Variants in SPTBN1 observed in about 807,000 individuals in gnomAD.
The protein encoded by SPTBN1 is spectrin beta, non-erythrocytic 1.
SPTBN1 carries 32 observed loss-of-function variants against 266.4 expected under a neutral mutation model. The observed-to-expected ratio is 0.12, with a 90% CI of 0.09 to 0.16. The LOEUF is 0.16. Among genes scored for constraint, SPTBN1 ranks in the 10% least tolerant of loss-of-function variants. The pLI, the probability that SPTBN1 is intolerant of heterozygous loss-of-function variation, is 1.00. For synonymous variants in SPTBN1, 1,336 were observed against 1,162.2 expected (o/e 1.15, Z -3.04); for missense variants, 2,296 against 3,067.1 (o/e 0.75, Z 5.94).
intron 1 of SPTBN1, among the ~76,000 whole-genome samples, chr2:54,514,705 A>C (rs1235270901): frequency 1.3e-5 from 2 of 152,166 alleles, no homozygotes; most frequent in Admixed American, 6.5e-5. Context: ...TGTGCTCTTC[A>C]TCTTTCTGTC....
Position 54,526,391 on chromosome 2 carries a change from T to C in SPTBN1, c.-28T>C. 6.2e-7 allele frequency: 1 copy of C among 1,611,672 alleles called. No homozygotes were observed. Among genetic ancestry groups the C allele is most frequent in the African/African-American group, 1.3e-5 (1 of 74,894 alleles). On this transcript the variant is annotated 5_prime_UTR_variant, in exon 2 of 36. The change abolishes an upstream ATG in the 5' untranslated region. Coordinates refer to ENST00000356805, the MANE Select transcript of SPTBN1 (RefSeq NM_003128.3). ...TCATAGAACTCTAAGAAGGAGCTGA[T>C]GTGGAGGAGCAGCTGAGACAGTTCA...
chr2:54,579,814 T>C (rs1166401191), intron 2 of SPTBN1, among the ~76,000 whole-genome samples: 2 of 152,210 alleles, frequency 1.3e-5, no homozygotes, highest in Non-Finnish European at 2.9e-5. Context: ...CCAGAAAGTA[T>C]AGTGAGAGAG....
At chr2:54,624,291 G>A (rs550280798) in intron 10 of SPTBN1, among the ~76,000 whole-genome samples, 14 of 152,160 alleles carry the variant, frequency 9.2e-5, no homozygotes, top group South Asian at 2.1e-4. Flanking sequence ...AGATTCCTTC[G>A]AGTGGAAGGT....
intron 2 of SPTBN1, among the ~76,000 whole-genome samples, chr2:54,592,597 C>G (rs544563674): frequency 2.0e-5 from 3 of 152,294 alleles, no homozygotes; most frequent in African/African-American, 7.2e-5. Context: ...GTTAGTCAGA[C>G]TGGTCTCAAA....
chr2:54,503,387 G>T (rs1438081552), intron 1 of SPTBN1, among the ~76,000 whole-genome samples: 1 of 152,156 alleles, frequency 6.6e-6, no homozygotes, highest in East Asian at 1.9e-4. Flanking sequence ...GCAAGCTGAG[G>T]GAACAGTGCC....
At chr2:54,492,256 C>T (rs933981947) in intron 1 of SPTBN1, among the ~76,000 whole-genome samples, 3 of 150,698 alleles carry the variant, frequency 2.0e-5, no homozygotes, top group African/African-American at 7.3e-5. Context: ...GTTTTGAAAA[C>T]ACTTTTTATG....
chr2:54,518,187 G>T (rs1021871668), intron 1 of SPTBN1, among the ~76,000 whole-genome samples: 3 of 151,940 alleles, frequency 2.0e-5, no homozygotes, highest in South Asian at 4.1e-4. Flanking sequence ...AGTAATAATA[G>T]GTCAGACAGG....
At chr2:54,661,087 A>C in intron 32 of SPTBN1, 1 of 985,432 alleles carries the variant, frequency 1.0e-6, no homozygotes, top group Non-Finnish European at 1.2e-6. Context: ...CTCTGTAGAC[A>C]AACTCCACTG....
At chr2:54,468,334 A>G (rs919638587) in intron 1 of SPTBN1, among the ~76,000 whole-genome samples, 2 of 147,322 alleles carry the variant, frequency 1.4e-5, no homozygotes, top group Admixed American at 1.3e-4. Flanking sequence ...AAAATAAAAA[A>G]TAAAAAAATA....
At chr2:54,623,403 A>C (rs1302896578) in intron 9 of SPTBN1, 76 bp from the exon 10 acceptor site, 4 of 1,276,472 alleles carry the variant, frequency 3.1e-6, no homozygotes, top group Non-Finnish European at 4.6e-6. Context: ...ACCAGAGTTA[A>C]ATGGTTTTTA....
At chr2:54,543,774 GGT>G (rs917521358) in intron 2 of SPTBN1, among the ~76,000 whole-genome samples, 6 of 151,986 alleles carry the variant, frequency 3.9e-5, no homozygotes, top group Admixed American at 1.3e-4. Flanking sequence ...TTGATAAATT[GGT>G]CCCCCCTCCC....
At chr2:54,474,087 C>T (rs907507445) in intron 1 of SPTBN1, among the ~76,000 whole-genome samples, 2 of 152,174 alleles carry the variant, frequency 1.3e-5, no homozygotes, top group African/African-American at 4.8e-5. Context: ...AAGTTCATAC[C>T]ACTGGTAGGT....
intron 2 of SPTBN1, among the ~76,000 whole-genome samples, chr2:54,552,759 G>A (rs1030764565): frequency 9.2e-5 from 14 of 152,326 alleles, no homozygotes; most frequent in African/African-American, 3.1e-4. Flanking sequence ...CTGGCCCCAG[G>A]TCTGCTTTTA....
rs878944023 is a variant in SPTBN1 at position 54,631,580 on chromosome 2, C to T, written c.3533C>T (p.Thr1178Met). 1.2e-6 allele frequency: 2 copies of T among 1,612,776 alleles called. No individual in the cohort carries two copies. Among genetic ancestry groups the T allele is most frequent in the Non-Finnish European group, 1.7e-6 (2 of 1,179,350 alleles). ...SHAYQQFLRD[T>M]KQAEAFLNNQ... ...GCCTACCAGCAGTTCCTCAGAGACA[C>T]GAAGCAAGCCGAAGCCTTTCTTAAC... Residue 1178 changes from threonine to methionine, a missense_variant, in exon 16 of 36, where the codon ACG (threonine) becomes ATG (methionine). Physicochemically the swap from Thr to Met is moderately conservative, Grantham distance 81 (BLOSUM62 -1). Around this residue, in one of 12 missense-constraint regions of SPTBN1, gnomAD observed 386 missense variants for 486.1 expected, o/e 0.79. Transcript: ENST00000356805.
chr2:54,521,196 T>TG (rs1670417216), intron 1 of SPTBN1, among the ~76,000 whole-genome samples: 1 of 152,182 alleles, frequency 6.6e-6, no homozygotes, highest in Non-Finnish European at 1.5e-5. Flanking sequence ...TGTAGCATGC[T>TG]GGAGTTTGGA....
rs76105375 is a variant in SPTBN1, at chr2:54,618,206, G to T, written c.763+13G>T. 16,588 of 1,607,720 alleles carry T rather than the reference G, an allele frequency of 0.01. 352 individuals carry two copies. The highest frequency in any genetic ancestry group is 0.067 in the South Asian group (6,114 of 90,926). On this transcript the variant is annotated intron_variant, in intron 7 of 35. Transcript: ENST00000356805. Reference sequence around the variant, plus strand: ...TTGGACCCCGAAGGTAGGGACTCAAGGGATTACAGGTGGGATTTTTAGCAT... The same window carrying T: ...TTGGACCCCGAAGGTAGGGACTCAATGGATTACAGGTGGGATTTTTAGCAT...
Position 54,646,986 on chromosome 2 carries a change from T to C in SPTBN1, c.4867-145T>C. On this transcript the variant is annotated intron_variant, in intron 23 of 35. Transcript: ENST00000356805. The surrounding 1 kb of genome is among the most constrained non-coding windows in gnomAD (Gnocchi z 4.4). ...CATATGGAAGCTCTTGGAACACTTCTGTGTTCCACTGTCCGTACTGCACCT... is the reference window on the plus strand; with the variant it reads ...CATATGGAAGCTCTTGGAACACTTCCGTGTTCCACTGTCCGTACTGCACCT... The C allele has an allele frequency of 8.7e-7, 1 of 1,148,070 alleles. No individual in the cohort carries two copies. Among genetic ancestry groups the C allele is most frequent in the Non-Finnish European group, 1.2e-6 (1 of 822,002 alleles). 71.1% of individuals were successfully genotyped at this position (1,148,070 alleles called of 1,614,324 possible).
At position 54,668,500 on chromosome 2, in the gene SPTBN1, C is replaced by T. The variant is rs2229504; in HGVS notation, c.7026C>T (p.Pro2342=). 1.4e-4 allele frequency: 228 copies of T among 1,614,038 alleles called. 1 individual carries two copies. In the East Asian group the frequency reaches 2.2e-3, roughly 16 times the overall value. ...SVVTITSESS[P]GKREKDKEKD... is the part of the protein sequence containing the mutation. ...TCACCATCACCAGCGAGTCCAGTCCCGGCAAGCGGGAAAAGGACAAAGAGA... is the reference window on the plus strand; with the variant it reads ...TCACCATCACCAGCGAGTCCAGTCCTGGCAAGCGGGAAAAGGACAAAGAGA... The change falls in exon 36 of 36, where the codon CCC becomes CCT. Residue 2342 remains proline, a synonymous_variant. Coordinates refer to ENST00000356805, the MANE Select transcript of SPTBN1 (RefSeq NM_003128.3).
intron 29 of SPTBN1, among the ~76,000 whole-genome samples, chr2:54,657,368 C>T (rs1490671803): frequency 1.3e-5 from 2 of 152,216 alleles, no homozygotes; most frequent in South Asian, 2.1e-4. Flanking sequence ...GAAGGCTTAG[C>T]TCATGAAGTG....
Sources: gnomAD v4.1 joint callset for allele counts (sites outside exome capture counted in the v4.1 genomes callset) on GRCh38, gnomAD v4.1.1 for gene constraint, gnomAD v4.1.1 regional missense constraint, Gnocchi (gnomAD v3.1) non-coding constraint, MANE v1.5 for transcripts, NCBI Gene and HGNC (gene_info 2026-07-23, HGNC 2026-07-21) for gene names.